Variants in RASGRF2 observed in about 807,000 individuals in gnomAD.
RASGRF2 encodes Ras protein specific guanine nucleotide releasing factor 2, also known as ras-specific guanine nucleotide-releasing factor 2.
A neutral mutation model predicts 151.0 loss-of-function variants in RASGRF2; 76 were observed. The ratio of observed to expected loss-of-function variants is 0.50; its 90% CI spans 0.42 to 0.61. The LOEUF is 0.61. RASGRF2 is among the 20% of genes least tolerant of loss of function. The pLI is 0.00. For synonymous variants in RASGRF2, 504 were observed against 566.5 expected (o/e 0.89, Z 1.57); for missense variants, 1,148 against 1,564.6 (o/e 0.73, Z 4.49).
chr5:81,217,828 C>T (rs1580415026), intron 25 of RASGRF2, among the ~76,000 whole-genome samples: 5 of 151,628 alleles, frequency 3.3e-5, no homozygotes, highest in East Asian at 1.9e-4. Flanking sequence ...CTGCAAGCTC[C>T]GCCTCCCGGG....
At position 81,207,294 on chromosome 5, in the gene RASGRF2, C is replaced by T; in HGVS notation, c.3016C>T (p.Leu1006=). ...ECFESLSAME[L]AEQITLLDHV... ...CTTTGAGTCCTTGTCGGCCATGGAGCTGGCAGAACAGATCACCCTCCTGGA... is the reference window on the plus strand; with the variant it reads ...CTTTGAGTCCTTGTCGGCCATGGAGTTGGCAGAACAGATCACCCTCCTGGA... Residue 1006 remains leucine (L), a synonymous_variant, in exon 21 of 27, where the codon CTG becomes TTG. Coordinates refer to ENST00000265080, the MANE Select transcript of RASGRF2 (RefSeq NM_006909.3). 1 of 1,614,152 alleles carries T rather than the reference C, an allele frequency of 6.2e-7. No individual in the cohort carries two copies. The highest frequency in any genetic ancestry group is 8.5e-7 in the Non-Finnish European group (1 of 1,180,028).
chr5:81,046,857 AG>A lies in RASGRF2; in HGVS notation c.395+3875del, dbSNP rs374417764. Among the ~76,000 whole-genome samples, 640 of 152,250 alleles carry A rather than the reference AG, an allele frequency of 4.2e-3. 9 individuals carry two copies. The highest frequency in any genetic ancestry group is 0.015 in the African/African-American group (613 of 41,552). On this transcript the variant is annotated intron_variant, in intron 2 of 26. Transcript: ENST00000265080. ...AACATGGACCAAGCAAAGTATCAGC[AG>A]TTAGGAGATAGTCATGGCCTGGACA...
At chr5:81,023,760 G>T (rs1323431092) in intron 1 of RASGRF2, among the ~76,000 whole-genome samples, 1 of 152,176 alleles carries the variant, frequency 6.6e-6, no homozygotes. Context: ...TAAGGTGCAG[G>T]CTGCAGCCTT....
intron 17 of RASGRF2, among the ~76,000 whole-genome samples, chr5:81,170,861 G>A (rs927739835): frequency 4.6e-5 from 7 of 152,074 alleles, no homozygotes; most frequent in African/African-American, 1.7e-4. Flanking sequence ...GTCCACAAAA[G>A]AAAACTCCTA....
intron 17 of RASGRF2, among the ~76,000 whole-genome samples, chr5:81,168,622 A>G (rs1446693578): frequency 6.6e-6 from 1 of 152,008 alleles, no homozygotes; most frequent in Non-Finnish European, 1.5e-5. Flanking sequence ...CGGTGTCTTA[A>G]TATCACCCAT....
At chr5:81,140,027 C>T (rs1446825071) in intron 17 of RASGRF2, among the ~76,000 whole-genome samples, 2 of 151,998 alleles carry the variant, frequency 1.3e-5, no homozygotes, top group Admixed American at 6.6e-5. Flanking sequence ...TGAGGTCTCT[C>T]CACGTTGCCC....
At chr5:81,139,811 A>G (rs1014304353) in intron 17 of RASGRF2, among the ~76,000 whole-genome samples, 5 of 151,936 alleles carry the variant, frequency 3.3e-5, no homozygotes, top group African/African-American at 9.7e-5. Flanking sequence ...TACACATCCC[A>G]TTGGAATTCA....
chr5:81,107,042 A>G (rs2112531786), intron 12 of RASGRF2, among the ~76,000 whole-genome samples: 1 of 152,186 alleles, frequency 6.6e-6, no homozygotes, highest in East Asian at 1.9e-4. Context: ...TATACAAAAC[A>G]GTTTGCCAAA....
intron 17 of RASGRF2, among the ~76,000 whole-genome samples, chr5:81,177,626 A>G (rs1754805574): frequency 6.6e-6 from 1 of 150,830 alleles, no homozygotes; most frequent in South Asian, 2.1e-4. Flanking sequence ...CCCTGTCTTC[A>G]TGGATGACAC....
At chr5:81,005,011 C>T (rs998991318) in intron 1 of RASGRF2, among the ~76,000 whole-genome samples, 1 of 152,212 alleles carries the variant, frequency 6.6e-6, no homozygotes, top group African/African-American at 2.4e-5. Context: ...TAGCCATCAT[C>T]TCCTAATTTT....
intron 17 of RASGRF2, among the ~76,000 whole-genome samples, chr5:81,150,710 A>G (rs868367167): frequency 1.3e-5 from 2 of 152,238 alleles, no homozygotes; most frequent in East Asian, 1.9e-4. Context: ...TAGTAAAATA[A>G]CTGCAAAAGT....
chr5:81,157,164 G>C (rs1361550436), intron 17 of RASGRF2, among the ~76,000 whole-genome samples: 2 of 151,832 alleles, frequency 1.3e-5, no homozygotes, highest in Non-Finnish European at 2.9e-5. Flanking sequence ...AGGAGATCGA[G>C]ACCACGGTGA....
rs199942321 is a variant in RASGRF2 at position 81,061,056 on chromosome 5, TTC to T, written c.396-6974_396-6973del. On this transcript the variant is annotated intron_variant, in intron 2 of 26. Transcript: ENST00000265080. ...GTTTATCTCAATTTCTTGTTTTTTT[TTC>T]TGTTTATTTATCAATAAATCTTGGG... Among the ~76,000 whole-genome samples the T allele has an allele frequency of 3.6e-3, 542 of 152,284 alleles. 9 individuals carry two copies. Among genetic ancestry groups the T allele is most frequent in the East Asian group, 0.031 (162 of 5,186 alleles).
intron 17 of RASGRF2, among the ~76,000 whole-genome samples, chr5:81,154,939 G>T (rs989247111): frequency 4.6e-5 from 7 of 152,058 alleles, no homozygotes; most frequent in African/African-American, 1.2e-4. Flanking sequence ...ATACTTGCCA[G>T]CATTTATTAT....
At chr5:80,991,131 C>A (rs1748635213) in intron 1 of RASGRF2, among the ~76,000 whole-genome samples, 1 of 152,066 alleles carries the variant, frequency 6.6e-6, no homozygotes, top group South Asian at 2.1e-4. Context: ...TCTGCAAATC[C>A]CCTGGAGGCC....
intron 17 of RASGRF2, among the ~76,000 whole-genome samples, chr5:81,162,680 C>G (rs1754414723): frequency 6.6e-6 from 1 of 152,126 alleles, no homozygotes. Flanking sequence ...CCAAGACTTG[C>G]CAGGGCACTG....
intron 1 of RASGRF2, among the ~76,000 whole-genome samples, chr5:80,991,165 A>G (rs1317336834): frequency 1.3e-5 from 2 of 152,176 alleles, no homozygotes; most frequent in Non-Finnish European, 2.9e-5. Context: ...ACTTGGGGCC[A>G]GGTGTGGTGA....
chr5:80,961,127 G>C, intron 1 of RASGRF2, 101 bp downstream of exon 1: 5 of 1,288,972 alleles, frequency 3.9e-6, no homozygotes, highest in Non-Finnish European at 5.1e-6. Context: ...AAAGAGTGCG[G>C]GGACTATGCT....
Position 81,092,793 on chromosome 5 carries a change from A to G in RASGRF2, c.1391-8A>G, listed in dbSNP as rs1752427550. ...TTGCTGTGTATTCTTCATTTTTGTA[A>G]TCACCAGGTTCTCTTATTCAAGTAC... On this transcript the variant is annotated splice_region_variant and splice_polypyrimidine_tract_variant and intron_variant, in intron 9 of 26. Coordinates refer to ENST00000265080, the MANE Select transcript of RASGRF2 (RefSeq NM_006909.3). The G allele has an allele frequency of 1.2e-6, 2 of 1,606,874 alleles. No individual in the cohort carries two copies. Among genetic ancestry groups the G allele is most frequent in the Non-Finnish European group, 8.5e-7 (1 of 1,176,908 alleles).
Sources: gnomAD v4.1 joint callset for allele counts (sites outside exome capture counted in the v4.1 genomes callset) on GRCh38, gnomAD v4.1.1 for gene constraint, MANE v1.5 for transcripts, NCBI Gene and HGNC (gene_info 2026-07-23, HGNC 2026-07-21) for gene names.